The following KAT6B variants were observed in gnomAD, a reference collection of about 807,000 sequenced individuals.
KAT6B encodes histone acetyltransferase KAT6B.
Under a neutral mutation model 187.5 loss-of-function variants are expected in KAT6B, and 10 were observed. The observed-to-expected ratio is 0.05, with a 90% CI of 0.03 to 0.09. KAT6B has a LOEUF of 0.09. KAT6B is among the 10% of genes least tolerant of loss of function. The pLI, the probability that KAT6B is intolerant of heterozygous loss-of-function variation, is 1.00. For synonymous variants in KAT6B, 861 were observed against 926.8 expected (o/e 0.93, Z 1.29); for missense variants, 1,952 against 2,558.9 (o/e 0.76, Z 5.12).
At chr10:74,975,376 C>G in intron 7 of KAT6B, 23 bp from the exon 8 acceptor site, 1 of 1,592,778 alleles carries the variant, frequency 6.3e-7, no homozygotes, top group Non-Finnish European at 8.6e-7. Context: ...AATGCTGATA[C>G]TATTCTCTAA....
chr10:74,865,666 C>T (rs1464701604), intron 3 of KAT6B, among the ~76,000 whole-genome samples: 3 of 152,030 alleles, frequency 2.0e-5, no homozygotes, highest in African/African-American at 7.2e-5. Context: ...CAGGCGTGCA[C>T]CACCACGCCT....
intron 10 of KAT6B, among the ~76,000 whole-genome samples, chr10:74,979,650 G>T (rs1196741738): frequency 6.7e-6 from 1 of 150,218 alleles, no homozygotes; most frequent in Non-Finnish European, 1.5e-5. Context: ...AAAAAAAAAA[G>T]AAATTTGCCA....
intron 1 of KAT6B, among the ~76,000 whole-genome samples, chr10:74,832,730 C>A (rs1840951920): frequency 6.6e-6 from 1 of 151,862 alleles, no homozygotes; most frequent in African/African-American, 2.4e-5. Context: ...AAACTCCTGA[C>A]CTCAGGTGAT....
chr10:74,855,504 C>T (rs1216746256), intron 3 of KAT6B, among the ~76,000 whole-genome samples: 1 of 152,124 alleles, frequency 6.6e-6, no homozygotes, highest in African/African-American at 2.4e-5. Flanking sequence ...AACTTGTTTT[C>T]AAAATTAGTA....
At chr10:74,846,597 C>A (rs1842118398) in intron 3 of KAT6B, among the ~76,000 whole-genome samples, 2 of 152,108 alleles carry the variant, frequency 1.3e-5, no homozygotes, top group Non-Finnish European at 2.9e-5. Context: ...TGCCACCATG[C>A]CTGGCCAATT....
In KAT6B at chr10:74,937,994, G is replaced by A. The variant is rs192113612; in HGVS notation, c.622-21976G>A. 2.1e-3 allele frequency among the ~76,000 whole-genome samples: 321 copies of A among 152,270 alleles called. 1 individual carries two copies. The highest frequency in any genetic ancestry group is 7.4e-3 in the African/African-American group (306 of 41,548). On this transcript the variant is annotated intron_variant, in intron 3 of 17. Transcript: ENST00000287239. ...CCAAACATACCCCAGAGTTGAATAT[G>A]AGTTGTTTTGGCAAGATCATAGCTC...
chr10:74,894,281 C>T (rs983455185), intron 3 of KAT6B, among the ~76,000 whole-genome samples: 3 of 152,100 alleles, frequency 2.0e-5, no homozygotes, highest in Admixed American at 6.6e-5. Context: ...GGGGTTTCAC[C>T]ATGTTCACCA....
chr10:75,008,591 G>A (rs986381033), intron 13 of KAT6B, among the ~76,000 whole-genome samples: 4 of 152,184 alleles, frequency 2.6e-5, no homozygotes, highest in African/African-American at 9.7e-5. Context: ...ACATTAATAA[G>A]ATTTTTCTCT....
Position 74,972,577 on chromosome 10 carries a change from A to G in KAT6B, c.999A>G (p.Gln333=). 1 of 1,613,362 alleles carries G rather than the reference A, an allele frequency of 6.2e-7. No homozygotes were observed. Among genetic ancestry groups the G allele is most frequent in the Non-Finnish European group, 8.5e-7 (1 of 1,179,390 alleles). The part of the protein sequence containing the change: ...GRKLLHEKAA[Q]IKRRYAKPIG... ...AACTACTTCATGAGAAAGCTGCACA[A>G]ATAAAACGACGATATGCAAAACCCA... Residue 333 remains glutamine (Q), a synonymous_variant, in exon 7 of 18, where the codon CAA becomes CAG. Transcript: ENST00000287239.
In KAT6B at chr10:74,969,513, A is replaced by G. The variant is rs571252712; in HGVS notation, c.731-147A>G. 3.0e-3 allele frequency: 2,033 copies of G among 669,060 alleles called. 4 individuals are homozygous for G. The highest frequency in any genetic ancestry group is 8.5e-3 in the Middle Eastern group (21 of 2,482). The allele number at this position is 669,060 out of a possible 1,614,324, so 41.4% of individuals were successfully genotyped here. The stretch of plus-strand genomic sequence containing the variant: ...GAAAAGGCAGAAAGGAAAATCTGTA[A>G]TTCGGATTCTCTGATCTGTTGGCAT... On this transcript the variant is annotated intron_variant, in intron 4 of 17. Transcript: ENST00000287239.
chr10:74,981,935 G>T lies in KAT6B; in HGVS notation c.2373+7G>T. ...AGACCTTTCAGTATTTGAGGTAAGC[G>T]CGTGTAAATAAAAAAATTCAGCTTT... On this transcript the variant is annotated splice_region_variant and intron_variant, in intron 11 of 17. Coordinates refer to ENST00000287239, the MANE Select transcript of KAT6B (RefSeq NM_012330.4). 1.2e-6 allele frequency: 2 copies of T among 1,613,262 alleles called. No homozygotes were observed. The highest frequency in any genetic ancestry group is 2.2e-5 in the South Asian group (2 of 91,044).
chr10:74,964,627 G>A (rs1454735417), intron 4 of KAT6B, among the ~76,000 whole-genome samples: 1 of 152,070 alleles, frequency 6.6e-6, no homozygotes, highest in African/African-American at 2.4e-5. Flanking sequence ...GTCTACCCCC[G>A]AGGCACCTCA....
intron 3 of KAT6B, among the ~76,000 whole-genome samples, chr10:74,894,378 G>A (rs1310313893): frequency 1.3e-5 from 2 of 152,120 alleles, no homozygotes; most frequent in East Asian, 1.9e-4. Context: ...CACCGTGCTC[G>A]GCCATGTTGT....
At chr10:74,942,793 G>T (rs1275475859) in intron 3 of KAT6B, among the ~76,000 whole-genome samples, 1 of 60,240 alleles carries the variant, frequency 1.7e-5, no homozygotes, top group Non-Finnish European at 3.0e-5. Context: ...AAAAAAAAAA[G>T]CCATAGCTAA....
At chr10:74,901,258 G>A (rs755113697) in intron 3 of KAT6B, among the ~76,000 whole-genome samples, 4 of 152,074 alleles carry the variant, frequency 2.6e-5, no homozygotes, top group Admixed American at 6.5e-5. Flanking sequence ...TTAACTTCAC[G>A]GAGGTTTTCA....
intron 3 of KAT6B, among the ~76,000 whole-genome samples, chr10:74,904,687 G>T (rs1423804642): frequency 6.6e-6 from 1 of 152,202 alleles, no homozygotes; most frequent in South Asian, 2.1e-4. Flanking sequence ...GTCTTTGGGA[G>T]TCCAGGCTTG....
chr10:74,868,214 GTTGTT>G (rs1192865219), intron 3 of KAT6B, among the ~76,000 whole-genome samples: 7 of 152,132 alleles, frequency 4.6e-5, no homozygotes, highest in Admixed American at 4.6e-4. Context: ...GGTTTGTAGG[GTTGTT>G]TTAAGATCAG....
chr10:74,947,600 AC>A (rs1006378999), intron 3 of KAT6B, among the ~76,000 whole-genome samples: 1 of 152,246 alleles, frequency 6.6e-6, no homozygotes, highest in Non-Finnish European at 1.5e-5. Flanking sequence ...CTCACCATGT[AC>A]TAAGCTATTT....
chr10:74,945,675 C>A (rs1417937420), intron 3 of KAT6B, among the ~76,000 whole-genome samples: 1 of 152,116 alleles, frequency 6.6e-6, no homozygotes, highest in Non-Finnish European at 1.5e-5. Flanking sequence ...GTCTCCAACT[C>A]CTGAGCTCAA....
Sources: allele counts gnomAD v4.1 joint callset (sites outside exome capture counted in the v4.1 genomes callset), GRCh38; gene constraint gnomAD v4.1.1; transcripts MANE v1.5; gene names NCBI Gene and HGNC (gene_info 2026-07-23, HGNC 2026-07-21).